The following C12orf43 variants were observed in gnomAD, a reference collection of about 807,000 sequenced individuals.
C12orf43 encodes protein CUSTOS.
C12orf43 carries 15 observed loss-of-function variants against 20.6 expected under a neutral mutation model. That is an observed-to-expected ratio of 0.73 (90% CI 0.49 to 1.12). The LOEUF (loss-of-function observed/expected upper bound fraction) is 1.12, where lower values mean the gene tolerates loss of function less well. Among genes scored for constraint, C12orf43 ranks in the 50% most tolerant of loss-of-function variants. The pLI is 0.00. For synonymous variants in C12orf43, 144 were observed against 130.8 expected (o/e 1.10, Z -0.69); for missense variants, 334 against 344.4 (o/e 0.97, Z 0.24).
Position 121,004,350 on chromosome 12 carries a change from T to C in C12orf43, c.592A>G (p.Lys198Glu). The C allele has an allele frequency of 6.2e-7, 1 of 1,614,194 alleles. No homozygotes were observed. Among genetic ancestry groups the C allele is most frequent in the Non-Finnish European group, 8.5e-7 (1 of 1,180,034 alleles). The change falls in exon 6 of 6, where the codon AAG becomes GAG. Residue 198 changes from lysine (K) to glutamate (E), a missense_variant. Physicochemically the swap from Lys to Glu is moderately conservative, Grantham distance 56. Coordinates refer to ENST00000288757, the MANE Select transcript of C12orf43 (RefSeq NM_022895.3). This position sits in a 1 kb window ranked among gnomAD's most constrained non-coding sequence, Gnocchi z 5.6. ...KKKRKLKKKA[K>E]KVASVDSAVA... The stretch of plus-strand genomic sequence containing the variant: ...GCCGAGTCGACACTGGCCACCTTCT[T>C]GGCTTTCTTTTTCAACTTCCTTTTC...
rs530403039 is a variant in C12orf43 at position 121,005,167 on chromosome 12, G to T, written c.362-74C>A. The T allele has an allele frequency of 2.4e-6, 2 of 845,804 alleles. No individual in the cohort carries two copies. The highest frequency in any genetic ancestry group is 1.6e-6 in the Non-Finnish European group (1 of 633,494). The allele number at this position is 845,804 out of a possible 1,614,324, so 52.4% of individuals were successfully genotyped here. ...GAAACATAAAAAAATAAAAAATAAA[G>T]AAACAAAAAAGAAAAAAATTTTAAA... On this transcript the variant is annotated intron_variant, in intron 4 of 5. Transcript: ENST00000288757. This position sits in a 1 kb window ranked among gnomAD's most constrained non-coding sequence, Gnocchi z 5.6.
In C12orf43 at chr12:121,000,610, A is replaced by C; in HGVS notation, c.*3543T>G. On this transcript the variant is annotated 3_prime_UTR_variant, in exon 6 of 6. Transcript: ENST00000288757. ...GTGAATTCTGCAGCCTTGAGGCAGAATTCCTTCTCTGGGAAACCGGTTTTT... is the reference window on the plus strand; with the variant it reads ...GTGAATTCTGCAGCCTTGAGGCAGACTTCCTTCTCTGGGAAACCGGTTTTT... 1 of 232,830 alleles carries C rather than the reference A, an allele frequency of 4.3e-6. No individual in the cohort carries two copies. The highest frequency in any genetic ancestry group is 1.2e-4 in the East Asian group (1 of 8,664). 14.4% of individuals were successfully genotyped at this position (232,830 alleles called of 1,614,324 possible).
chr12:121,006,691 A>G, intron 3 of C12orf43: 1 of 311,180 alleles, frequency 3.2e-6, no homozygotes, highest in South Asian at 3.3e-5. Flanking sequence ...TAATCCTAGC[A>G]CTTTGGGAGG....
chr12:121,004,357 CT>C lies in C12orf43; in HGVS notation c.584del (p.Lys195ArgfsTer116), dbSNP rs1475639455. On this transcript the variant is annotated frameshift_variant, in exon 6 of 6. Coordinates refer to ENST00000288757, the MANE Select transcript of C12orf43 (RefSeq NM_022895.3). LOFTEE classifies it low-confidence loss of function (END_TRUNC). The surrounding 1 kb of genome is among the most constrained non-coding windows in gnomAD (Gnocchi z 5.6). The stretch of plus-strand genomic sequence containing the variant: ...CGACACTGGCCACCTTCTTGGCTTT[CT>C]TTTTCAACTTCCTTTTCTTCTTTGC... Reference protein sequence around the residue: ...KEAKKKRKLKKKAKKVASVDS... With the variant: ...KEAKKKRKLKXKAKKVASVDS... 1.1e-5 allele frequency: 17 copies of C among 1,614,210 alleles called. No homozygotes were observed. Among genetic ancestry groups the C allele is most frequent in the Non-Finnish European group, 1.4e-5 (17 of 1,180,032 alleles).
In C12orf43 at chr12:121,000,800, C is replaced by G. The variant is rs142951336; in HGVS notation, c.*3353G>C. On this transcript the variant is annotated 3_prime_UTR_variant, in exon 6 of 6. Coordinates refer to ENST00000288757, the MANE Select transcript of C12orf43 (RefSeq NM_022895.3). ...CTCAGCCTAGCCAAGCCAACACGTA[C>G]AACTACCTACCTCGGCATCTCACCG... 237 of 509,502 alleles carry G rather than the reference C, an allele frequency of 4.7e-4. No individual in the cohort carries two copies. Among genetic ancestry groups the G allele is most frequent in the Non-Finnish European group, 7.7e-4 (215 of 277,722 alleles). The allele number at this position is 509,502 out of a possible 1,614,324, so 31.6% of individuals were successfully genotyped here.
intron 3 of C12orf43, among the ~76,000 whole-genome samples, chr12:121,009,530 G>A (rs527476558): frequency 7.2e-5 from 11 of 152,262 alleles, no homozygotes; most frequent in Admixed American, 5.9e-4. Flanking sequence ...TAGGTCGGGA[G>A]GGTGGAGCCT....
Position 121,003,441 on chromosome 12 carries a change from G to A in C12orf43, c.*712C>T, listed in dbSNP as rs1877691257. 1 of 152,168 alleles carries A rather than the reference G, an allele frequency of 6.6e-6. No homozygotes were observed. The highest frequency in any genetic ancestry group is 2.4e-5 in the African/African-American group (1 of 41,412). 9.4% of individuals were successfully genotyped at this position (152,168 alleles called of 1,614,324 possible). A position where few individuals can be genotyped will look rare whatever the true frequency, so the allele number is the denominator to read the frequency against. The stretch of plus-strand genomic sequence containing the variant: ...CGCACAAATCCTGGGGGTGTAGAGA[G>A]GAGGAGGATGTTTACTTAAAATGTC... On this transcript the variant is annotated 3_prime_UTR_variant, in exon 6 of 6. Transcript: ENST00000288757.
chr12:121,009,911 A>C (rs1170112141), intron 3 of C12orf43, among the ~76,000 whole-genome samples: 2 of 152,358 alleles, frequency 1.3e-5, no homozygotes, highest in Middle Eastern at 3.4e-3. Context: ...GCACCCAAGA[A>C]ATAGGAACAC....
chr12:121,008,931 G>C (rs1878225363), intron 3 of C12orf43, among the ~76,000 whole-genome samples: 1 of 152,230 alleles, frequency 6.6e-6, no homozygotes, highest in Admixed American at 6.5e-5. Flanking sequence ...AACAAGTTTG[G>C]AAAATGCTGG....
Position 121,012,849 on chromosome 12 carries a change from T to TTA in C12orf43, c.146-1704_146-1703insTA, listed in dbSNP as rs1454994459. On this transcript the variant is annotated intron_variant, in intron 1 of 5. Transcript: ENST00000288757. ...CCTGGTGACAGAGCAAGACTCCGTC[T>TTA]AAAAAAAAAAAAAAAAAAAAAAAAA... Among the ~76,000 whole-genome samples, 3 of 91,988 alleles carry TTA rather than the reference T, an allele frequency of 3.3e-5. No individual in the cohort carries two copies. In the East Asian group the frequency reaches 7.5e-4, roughly 23 times the overall value. The allele number at this position is 91,988 out of a possible 152,430, so 60.3% of individuals were successfully genotyped here.
chr12:121,004,972 AG>A lies in C12orf43; in HGVS notation c.452+30del. The A allele has an allele frequency of 6.8e-7, 1 of 1,464,230 alleles. No homozygotes were observed. Among genetic ancestry groups the A allele is most frequent in the South Asian group, 1.4e-5 (1 of 73,896 alleles). The allele number at this position is 1,464,230 out of a possible 1,614,324, so 90.7% of individuals were successfully genotyped here. ...CCAAGACAGAAGAGGAGAAAAAAGG[AG>A]GGGACGTGAGGAGAGGTGTGAGTTC... is the stretch of plus-strand genomic sequence containing the variant. On this transcript the variant is annotated intron_variant, in intron 5 of 5. Transcript: ENST00000288757. This position sits in a 1 kb window ranked among gnomAD's most constrained non-coding sequence, Gnocchi z 5.6.
rs531739848 is a variant in C12orf43 at position 121,005,246 on chromosome 12, A to G, written c.362-153T>C. Among the ~76,000 whole-genome samples, 1 of 151,868 alleles carries G rather than the reference A, an allele frequency of 6.6e-6. No homozygotes were observed. The highest frequency in any genetic ancestry group is 2.1e-4 in the South Asian group (1 of 4,828). ...GAGAAACAAAAAAAAAATTTTAAGAAGACACAAAATAAAAAAATTTAAAAA... is the reference window on the plus strand; with the variant it reads ...GAGAAACAAAAAAAAAATTTTAAGAGGACACAAAATAAAAAAATTTAAAAA... On this transcript the variant is annotated intron_variant, in intron 4 of 5. Coordinates refer to ENST00000288757, the MANE Select transcript of C12orf43 (RefSeq NM_022895.3). This position sits in a 1 kb window ranked among gnomAD's most constrained non-coding sequence, Gnocchi z 5.6.
chr12:121,004,564 C>G lies in C12orf43; in HGVS notation c.453-75G>C. Reference sequence around the variant, plus strand: ...CCAGAGCTGCCTCTCGCTGTCCTCCCTTGGTCCAGGTCACCAGAAGGTGGC... The same window carrying G: ...CCAGAGCTGCCTCTCGCTGTCCTCCGTTGGTCCAGGTCACCAGAAGGTGGC... On this transcript the variant is annotated intron_variant, in intron 5 of 5. Transcript: ENST00000288757. This position sits in a 1 kb window ranked among gnomAD's most constrained non-coding sequence, Gnocchi z 5.6. 1 of 1,447,702 alleles carries G rather than the reference C, an allele frequency of 6.9e-7. No homozygotes were observed. The highest frequency in any genetic ancestry group is 9.2e-7 in the Non-Finnish European group (1 of 1,081,318). The allele number at this position is 1,447,702 out of a possible 1,614,324, so 89.7% of individuals were successfully genotyped here. A position where few individuals can be genotyped will look rare whatever the true frequency, so the allele number is the denominator to read the frequency against.
rs1451456836 is a variant in C12orf43 at position 121,001,261 on chromosome 12, C to T, written c.*2892G>A. The T allele has an allele frequency of 1.1e-5, 17 of 1,577,764 alleles. No individual in the cohort carries two copies. The highest frequency in any genetic ancestry group is 1.7e-4 in the Middle Eastern group (1 of 6,006). ...GTGATGAGGGCAGCAGCCAGCCCTGCCTGGAGGACCTGAGCCTGCCGAGCA... is the reference window on the plus strand; with the variant it reads ...GTGATGAGGGCAGCAGCCAGCCCTGTCTGGAGGACCTGAGCCTGCCGAGCA... On this transcript the variant is annotated 3_prime_UTR_variant, in exon 6 of 6. Transcript: ENST00000288757.
intron 3 of C12orf43, among the ~76,000 whole-genome samples, chr12:121,010,349 C>T (rs1280306992): frequency 4.6e-5 from 7 of 152,144 alleles, no homozygotes; most frequent in African/African-American, 1.7e-4. Context: ...TGGAGTCAGA[C>T]GCACTTGGGT....
At position 121,001,047 on chromosome 12, in the gene C12orf43, C is replaced by T. The variant is rs1297633535; in HGVS notation, c.*3106G>A. 6.2e-7 allele frequency: 1 copy of T among 1,612,612 alleles called. No homozygotes were observed. Among genetic ancestry groups the T allele is most frequent in the Non-Finnish European group, 8.5e-7 (1 of 1,179,772 alleles). ...TGGGTGCCTGGTGGGTGGCTAGCAG[C>T]CTTGTTTGCCTCTGCAGTGTCCTCC... On this transcript the variant is annotated 3_prime_UTR_variant, in exon 6 of 6. Transcript: ENST00000288757.
Position 121,001,077 on chromosome 12 carries a change from G to T in C12orf43, c.*3076C>A, listed in dbSNP as rs2135854451. On this transcript the variant is annotated 3_prime_UTR_variant, in exon 6 of 6. Coordinates refer to ENST00000288757, the MANE Select transcript of C12orf43 (RefSeq NM_022895.3). ...TTTGCCTCTGCAGTGTCCTCCAGCA[G>T]CCTGGTGCTGTACCAGAGCTCAGAC... 6.2e-7 allele frequency: 1 copy of T among 1,613,526 alleles called. No individual in the cohort carries two copies. The highest frequency in any genetic ancestry group is 8.5e-7 in the Non-Finnish European group (1 of 1,179,872).
At chr12:121,014,054 G>T (rs568619848) in intron 1 of C12orf43, among the ~76,000 whole-genome samples, 7 of 152,332 alleles carry the variant, frequency 4.6e-5, no homozygotes, top group African/African-American at 1.7e-4. Flanking sequence ...TAGGCTGGGT[G>T]TGGTGGCTCA....
chr12:121,001,464 C>T lies in C12orf43; in HGVS notation c.*2689G>A, dbSNP rs933075625. 5.9e-6 allele frequency: 3 copies of T among 507,190 alleles called. No individual in the cohort carries two copies. The highest frequency in any genetic ancestry group is 6.5e-5 in the Admixed American group (2 of 30,910). The allele number at this position is 507,190 out of a possible 1,614,324, so 31.4% of individuals were successfully genotyped here. A position where few individuals can be genotyped will look rare whatever the true frequency, so the allele number is the denominator to read the frequency against. ...GATGTAGGAGGGACTGTCGCTGCTT[C>T]GTGGGATACAGTCTTCTTACTTGGA... On this transcript the variant is annotated 3_prime_UTR_variant, in exon 6 of 6. Coordinates refer to ENST00000288757, the MANE Select transcript of C12orf43 (RefSeq NM_022895.3).
Sources: gnomAD v4.1 joint callset for allele counts (sites outside exome capture counted in the v4.1 genomes callset) on GRCh38, gnomAD v4.1.1 for gene constraint, Gnocchi (gnomAD v3.1) non-coding constraint, MANE v1.5 for transcripts, NCBI Gene and HGNC (gene_info 2026-07-23, HGNC 2026-07-21) for gene names.